Variants in NBEA observed in about 807,000 individuals in gnomAD.
The protein encoded by NBEA is neurobeachin, also known as lysosomal-trafficking regulator 2.
In NBEA, 44 loss-of-function variants were observed where a neutral mutation model predicts 343.4. That is an observed-to-expected ratio of 0.13 (90% CI 0.10 to 0.16). The LOEUF (loss-of-function observed/expected upper bound fraction) is 0.16. Among genes scored for constraint, NBEA ranks in the 10% least tolerant of loss-of-function variants. The probability of loss-of-function intolerance (pLI) is 1.00; values close to 1 mark genes in which losing one functional copy is unlikely to be tolerated. For synonymous variants in NBEA, 1,175 were observed against 1,238.7 expected, an observed-to-expected ratio of 0.95 and a Z score of 1.08; for missense variants, 2,555 against 3,631.3, an observed-to-expected ratio of 0.70 and a Z score of 7.62.
chr13:35,541,725 G>GGTGTGTGT (rs3075505), intron 41 of NBEA, among the ~76,000 whole-genome samples: 10,362 of 145,118 alleles, frequency 0.071, 441 homozygotes, highest in East Asian at 0.14. Context: ...GGTCTGCATG[G>GGTGTGTGT]GTGTGTGTGT....
intron 1 of NBEA, among the ~76,000 whole-genome samples, chr13:34,992,530 C>A (rs142673975): frequency 6.6e-6 from 1 of 150,686 alleles, no homozygotes; most frequent in East Asian, 2.0e-4. Flanking sequence ...AATCTGTAGT[C>A]CCTTAATGGG....
intron 1 of NBEA, among the ~76,000 whole-genome samples, chr13:34,959,736 G>A (rs1399347711): frequency 6.6e-6 from 1 of 152,002 alleles, no homozygotes; most frequent in African/African-American, 2.4e-5. Flanking sequence ...CATATACAAT[G>A]GTGGTCCCAT....
chr13:35,342,633 C>A (rs2039650748), intron 36 of NBEA, among the ~76,000 whole-genome samples: 1 of 151,744 alleles, frequency 6.6e-6, no homozygotes, highest in Non-Finnish European at 1.5e-5. Context: ...CAATATTGGG[C>A]AATAGCTTGT....
intron 34 of NBEA, chr13:35,251,894 C>T (rs77485981): frequency 0.04 from 6,169 of 153,514 alleles, 385 homozygotes; most frequent in African/African-American, 0.14. Flanking sequence ...ATTGTTAACA[C>T]CAGCCTTCCT....
At chr13:35,617,717 A>G (rs778522564) in intron 48 of NBEA, among the ~76,000 whole-genome samples, 1 of 152,036 alleles carries the variant, frequency 6.6e-6, no homozygotes, top group South Asian at 2.1e-4. Context: ...CACCTTTTTC[A>G]TAGTTTCTGT....
intron 1 of NBEA, among the ~76,000 whole-genome samples, chr13:35,017,903 A>G (rs1266515435): frequency 6.6e-6 from 1 of 152,124 alleles, no homozygotes; most frequent in Non-Finnish European, 1.5e-5. Context: ...TTTAACCCTT[A>G]TATTTGCATA....
At chr13:35,027,707 T>A (rs975322944) in intron 1 of NBEA, among the ~76,000 whole-genome samples, 1 of 151,992 alleles carries the variant, frequency 6.6e-6, no homozygotes, top group African/African-American at 2.4e-5. Flanking sequence ...ATTAATGTTA[T>A]CTTGAATGGA....
intron 34 of NBEA, among the ~76,000 whole-genome samples, chr13:35,286,036 A>G (rs2035401934): frequency 6.6e-6 from 1 of 152,012 alleles, no homozygotes; most frequent in South Asian, 2.1e-4. Context: ...ATCCAACTTA[A>G]ATGTCACATT....
At chr13:35,502,506 T>C (rs1446525229) in intron 41 of NBEA, among the ~76,000 whole-genome samples, 4 of 151,958 alleles carry the variant, frequency 2.6e-5, no homozygotes, top group Non-Finnish European at 2.9e-5. Context: ...TGGGTTTTTT[T>C]TTTTCTTTTC....
At chr13:35,083,232 A>T (rs1449707527) in intron 10 of NBEA, among the ~76,000 whole-genome samples, 1 of 152,076 alleles carries the variant, frequency 6.6e-6, no homozygotes, top group Non-Finnish European at 1.5e-5. Context: ...AGTTGTGGAT[A>T]TGTGGCCTTA....
chr13:35,663,995 A>T (rs2085228299), intron 55 of NBEA, among the ~76,000 whole-genome samples: 1 of 152,202 alleles, frequency 6.6e-6, no homozygotes, highest in African/African-American at 2.4e-5. Context: ...GAAGATAGGC[A>T]GGTCTTAAGG....
intron 41 of NBEA, among the ~76,000 whole-genome samples, chr13:35,546,580 T>A (rs1469379275): frequency 6.6e-6 from 1 of 150,940 alleles, no homozygotes; most frequent in Non-Finnish European, 1.5e-5. Flanking sequence ...TGAGACGGAA[T>A]CTTGCTCTGT....
chr13:35,136,155 GA>G (rs201454045), intron 17 of NBEA, among the ~76,000 whole-genome samples: 3 of 151,684 alleles, frequency 2.0e-5, no homozygotes, highest in African/African-American at 4.8e-5. Context: ...TATTGACAGC[GA>G]AAAAAAAGAA....
intron 8 of NBEA, among the ~76,000 whole-genome samples, chr13:35,060,220 A>G (rs1566224770): frequency 6.6e-6 from 1 of 151,866 alleles, no homozygotes; most frequent in East Asian, 1.9e-4. Flanking sequence ...TACAAATCCA[A>G]TATGATTGCT....
At chr13:35,494,173 C>T (rs1386362636) in intron 41 of NBEA, among the ~76,000 whole-genome samples, 2 of 151,852 alleles carry the variant, frequency 1.3e-5, no homozygotes, top group Non-Finnish European at 2.9e-5. Flanking sequence ...GAATTCATGA[C>T]TTCAGGGTAC....
At chr13:35,385,029 T>A (rs970953723) in intron 38 of NBEA, among the ~76,000 whole-genome samples, 4 of 152,208 alleles carry the variant, frequency 2.6e-5, no homozygotes, top group African/African-American at 9.6e-5. Flanking sequence ...TTGGCTCAGA[T>A]GTCCTGTGTT....
chr13:35,121,476 TG>T (rs1382525774), intron 16 of NBEA, among the ~76,000 whole-genome samples: 1 of 151,870 alleles, frequency 6.6e-6, no homozygotes, highest in Non-Finnish European at 1.5e-5. Context: ...TATGATTTCT[TG>T]AATGTGTTTT....
intron 41 of NBEA, among the ~76,000 whole-genome samples, chr13:35,543,010 T>C (rs1200313974): frequency 6.6e-6 from 1 of 152,074 alleles, no homozygotes; most frequent in Non-Finnish European, 1.5e-5. Context: ...GCAAAAAGTG[T>C]ATATACTTAC....
At chr13:35,052,674 C>A (rs2063106981) in intron 6 of NBEA, among the ~76,000 whole-genome samples, 2 of 150,400 alleles carry the variant, frequency 1.3e-5, no homozygotes, top group South Asian at 4.2e-4. Context: ...TTTTTTTTAA[C>A]CATTGAAAAA....
Sources: allele counts gnomAD v4.1 joint callset (sites outside exome capture counted in the v4.1 genomes callset), GRCh38; gene constraint gnomAD v4.1.1; transcripts MANE v1.5; gene names NCBI Gene and HGNC (gene_info 2026-07-23, HGNC 2026-07-21).